GTF3C1: variants seen among roughly 807,000 people sequenced by gnomAD.
GTF3C1 encodes general transcription factor 3C polypeptide 1.
Under a neutral mutation model 226.7 loss-of-function variants are expected in GTF3C1, and 57 were observed. The ratio of observed to expected loss-of-function variants is 0.25; its 90% CI spans 0.20 to 0.31. The LOEUF (loss-of-function observed/expected upper bound fraction) is 0.31, where lower values mean the gene tolerates loss of function less well. GTF3C1 is among the 10% of genes least tolerant of loss of function. The pLI is 1.00. For missense variants in GTF3C1, 2,217 were observed against 2,776.1 expected (o/e 0.80, Z 4.53); for synonymous variants, 1,090 against 1,084.8 (o/e 1.00, Z -0.09).
intron 2 of GTF3C1, among the ~76,000 whole-genome samples, 185 bp from the exon 3 acceptor site, chr16:27,538,541 A>G (rs1401849655): frequency 6.6e-6 from 1 of 152,202 alleles, no homozygotes; most frequent in East Asian, 1.9e-4. Context: ...AATAATAATA[A>G]TAATAAAAGT....
chr16:27,487,868 A>C (rs553561550), intron 23 of GTF3C1, among the ~76,000 whole-genome samples: 12 of 152,322 alleles, frequency 7.9e-5, no homozygotes, highest in African/African-American at 2.4e-4. Flanking sequence ...CACAGATATT[A>C]AAAGGTAAAC....
chr16:27,517,380 G>A (rs1260651632), intron 6 of GTF3C1, among the ~76,000 whole-genome samples: 4 of 152,176 alleles, frequency 2.6e-5, no homozygotes, highest in South Asian at 2.1e-4. Flanking sequence ...AGCAAGACCC[G>A]AATAAGCGCA....
At chr16:27,506,349 G>A (rs1302938728) in intron 9 of GTF3C1, among the ~76,000 whole-genome samples, 1 of 152,062 alleles carries the variant, frequency 6.6e-6, no homozygotes, top group Non-Finnish European at 1.5e-5. Context: ...TGCTGTCAGG[G>A]GCTGTCCTGT....
chr16:27,531,319 T>C (rs895609795), intron 5 of GTF3C1, among the ~76,000 whole-genome samples: 2 of 152,218 alleles, frequency 1.3e-5, no homozygotes, highest in African/African-American at 2.4e-5. Flanking sequence ...GCATGTTGCA[T>C]GGCCTTCCAC....
intron 6 of GTF3C1, among the ~76,000 whole-genome samples, chr16:27,518,703 A>G (rs2088699985): frequency 6.6e-6 from 1 of 152,090 alleles, no homozygotes; most frequent in Non-Finnish European, 1.5e-5. Context: ...GCCCCTACAA[A>G]AGGTTGTGTG....
chr16:27,521,630 A>G (rs2088751905), intron 6 of GTF3C1, among the ~76,000 whole-genome samples: 1 of 152,232 alleles, frequency 6.6e-6, no homozygotes, highest in African/African-American at 2.4e-5. Flanking sequence ...TCAGCCCACA[A>G]ATTCACACCT....
chr16:27,476,094 A>G (rs2087946257), intron 29 of GTF3C1, among the ~76,000 whole-genome samples: 1 of 152,164 alleles, frequency 6.6e-6, no homozygotes, highest in South Asian at 2.1e-4. Context: ...ACAGGTGACA[A>G]TCTGGTGCTG....
intron 6 of GTF3C1, 99 bp from the exon 7 acceptor site, chr16:27,512,000 C>G: frequency 6.0e-6 from 8 of 1,325,326 alleles, no homozygotes; most frequent in East Asian, 2.3e-5. Context: ...TCAGCAGAGA[C>G]AGAGATCCCC....
intron 6 of GTF3C1, among the ~76,000 whole-genome samples, chr16:27,512,410 G>C (rs2088587648): frequency 6.6e-6 from 1 of 152,100 alleles, no homozygotes; most frequent in Non-Finnish European, 1.5e-5. Flanking sequence ...CATTTCAAGG[G>C]GATTTTATAA....
At chr16:27,544,595 TGGAA>T (rs939746835) in intron 2 of GTF3C1, among the ~76,000 whole-genome samples, 17 of 148,968 alleles carry the variant, frequency 1.1e-4, no homozygotes, top group African/African-American at 4.2e-4. Flanking sequence ...AGAAAGAAGG[TGGAA>T]GTTAGCAGAG....
At chr16:27,495,006 C>A in intron 15 of GTF3C1, 98 bp from the exon 16 acceptor site, 1 of 1,097,602 alleles carries the variant, frequency 9.1e-7, no homozygotes, top group Admixed American at 2.2e-5. Context: ...GGTGTCTTTA[C>A]CCCTAATTTG....
chr16:27,545,480 T>G lies in GTF3C1; in HGVS notation c.265A>C (p.Arg89=). 1 of 1,611,862 alleles carries G rather than the reference T, an allele frequency of 6.2e-7. No individual in the cohort carries two copies. The highest frequency in any genetic ancestry group is 1.1e-5 in the South Asian group (1 of 91,030). The part of the protein sequence containing the change: ...DLETGILESR[R]DPVALEDVYP... Reference sequence around the variant, plus strand: ...ACATCCTCCAAAGCCACCGGGTCCCTCCTAGACTCCAAAATTCCAGTTTCC... The same window carrying G: ...ACATCCTCCAAAGCCACCGGGTCCCGCCTAGACTCCAAAATTCCAGTTTCC... The change falls in exon 2 of 37, where the codon AGG becomes CGG. Residue 89 remains arginine (R), a synonymous_variant. Transcript: ENST00000356183.
At chr16:27,538,689 C>T (rs2089036994) in intron 2 of GTF3C1, among the ~76,000 whole-genome samples, 1 of 152,216 alleles carries the variant, frequency 6.6e-6, no homozygotes, top group African/African-American at 2.4e-5. Context: ...TCCCTCCCTG[C>T]CTTGCTTATC....
chr16:27,538,417 T>C (rs1475083377), intron 2 of GTF3C1, 61 bp from the exon 3 acceptor site: 1 of 1,046,004 alleles, frequency 9.6e-7, no homozygotes, highest in African/African-American at 1.6e-5. Flanking sequence ...AAAACTGAGA[T>C]AAGAAAAAGA....
rs1276028931 is a variant in GTF3C1 at position 27,464,765 on chromosome 16, G to C, written c.5427C>G (p.Ala1809=). ...NTARLVAMGS[A]WPWLLHSVRL... The stretch of plus-strand genomic sequence containing the variant: ...GCACGGAGTGCAGGAGCCAAGGCCA[G>C]GCAGAGCCCATGGCTACCAGGCGCG... Residue 1809 remains alanine, a synonymous_variant, in exon 34 of 37, where the codon GCC becomes GCG. Transcript: ENST00000356183. The C allele has an allele frequency of 1.9e-6, 3 of 1,568,822 alleles. No homozygotes were observed. Among genetic ancestry groups the C allele is most frequent in the Non-Finnish European group, 2.6e-6 (3 of 1,169,702 alleles).
chr16:27,462,480 A>G lies in GTF3C1; in HGVS notation c.5931T>C (p.Cys1977=). 1 of 1,612,954 alleles carries G rather than the reference A, an allele frequency of 6.2e-7. No homozygotes were observed. The highest frequency in any genetic ancestry group is 8.5e-7 in the Non-Finnish European group (1 of 1,179,182). ...GCCGGCCGATGAAGCAGACACTCTC[A>G]CAGTCCCTGCAGGGAGAGGGCTTGA... ...NISQAARERD[C]ESVCFIGRPW... Residue 1977 remains cysteine (C), a synonymous_variant, in exon 36 of 37, where the codon TGT becomes TGC. Transcript: ENST00000356183. The surrounding 1 kb of genome is among the most constrained non-coding windows in gnomAD (Gnocchi z 4.5).
chr16:27,465,286 T>C lies in GTF3C1; in HGVS notation c.5329A>G (p.Thr1777Ala), dbSNP rs147826864. The C allele has an allele frequency of 1.9e-6, 3 of 1,614,162 alleles. No individual in the cohort carries two copies. Among genetic ancestry groups the C allele is most frequent in the Non-Finnish European group, 1.7e-6 (2 of 1,180,040 alleles). ...TGGATGCAATCTGCGAATGTCCTGG[T>C]GCGCCCACCACCTGCCTTCTCCAAG... is the stretch of plus-strand genomic sequence containing the variant. ...SALEKAGGGR[T>A]RTFADCIQAL... Residue 1777 changes from threonine to alanine, a missense_variant, in exon 33 of 37, where the codon ACC becomes GCC. Thr to Ala is a moderately conservative substitution (Grantham distance 58, BLOSUM62 0). This residue lies in a region of GTF3C1 where 455 missense variants were observed against 441.9 expected (regional missense o/e 1.03). Transcript: ENST00000356183.
intron 28 of GTF3C1, among the ~76,000 whole-genome samples, chr16:27,476,755 T>A (rs935885626): frequency 4.6e-5 from 7 of 152,218 alleles, no homozygotes; most frequent in African/African-American, 1.7e-4. Context: ...AGATAGGGGG[T>A]GACCTACCTG....
chr16:27,495,608 AT>A, intron 14 of GTF3C1, 116 bp from the exon 15 acceptor site: 1 of 889,034 alleles, frequency 1.1e-6, no homozygotes, highest in Non-Finnish European at 1.7e-6. Flanking sequence ...GATGGCAAAT[AT>A]TCTTACTGTC....
Sources: allele counts gnomAD v4.1 joint callset (sites outside exome capture counted in the v4.1 genomes callset), GRCh38; gene constraint gnomAD v4.1.1; regional missense constraint gnomAD v4.1.1; non-coding constraint Gnocchi (gnomAD v3.1); transcripts MANE v1.5; gene names NCBI Gene and HGNC (gene_info 2026-07-23, HGNC 2026-07-21).